The following FAIM2 variants were observed in gnomAD, a reference collection of about 807,000 sequenced individuals.
FAIM2 encodes the protein Fas apoptotic inhibitory molecule 2, also known as protein lifeguard 2.
In FAIM2, 27 loss-of-function variants were observed where a neutral mutation model predicts 47.4. That is an observed-to-expected ratio of 0.57 (90% CI 0.42 to 0.78). The LOEUF (loss-of-function observed/expected upper bound fraction) is 0.78. Ranked by LOEUF, FAIM2 falls within the 30% of genes least tolerant of loss-of-function variation. The probability of loss-of-function intolerance (pLI) is 0.00; values close to 1 mark genes in which losing one functional copy is unlikely to be tolerated. For synonymous variants in FAIM2, 156 were observed against 159.3 expected, an observed-to-expected ratio of 0.98 and a Z score of 0.16; for missense variants, 311 against 389.4, an observed-to-expected ratio of 0.80 and a Z score of 1.69.
Position 49,891,196 on chromosome 12 carries a change from G to A in FAIM2, c.435-82C>T, listed in dbSNP as rs546717240. The A allele has an allele frequency of 9.2e-4, 1,229 of 1,332,452 alleles. 3 individuals are homozygous for A. Among genetic ancestry groups the A allele is most frequent in the Non-Finnish European group, 1.0e-3 (943 of 927,760 alleles). 82.5% of individuals were successfully genotyped at this position (1,332,452 alleles called of 1,614,324 possible). A position where few individuals can be genotyped will look rare whatever the true frequency, so the allele number is the denominator to read the frequency against. On this transcript the variant is annotated intron_variant, in intron 5 of 11. Coordinates refer to ENST00000320634, the MANE Select transcript of FAIM2 (RefSeq NM_012306.4). ...AGATCCCCTGCTTATGCCACTCTCT[G>A]CCACCCCCACCCACAGGGCAGCCAG...
chr12:49,879,050 GTA>G (rs1443305271), intron 11 of FAIM2, among the ~76,000 whole-genome samples: 4 of 135,592 alleles, frequency 3.0e-5, no homozygotes, highest in South Asian at 5.0e-4. Flanking sequence ...ATGAGTTTGT[GTA>G]TGTGCATGTA....
At chr12:49,880,170 G>GTGTCTGTGTGCA (rs1555158433) in intron 11 of FAIM2, among the ~76,000 whole-genome samples, 11 of 144,390 alleles carry the variant, frequency 7.6e-5, no homozygotes, top group African/African-American at 1.0e-4. Flanking sequence ...ATGTGTGTAT[G>GTGTCTGTGTGCA]TGTGTGTATG....
At chr12:49,880,772 GTA>G (rs1303283088) in intron 11 of FAIM2, among the ~76,000 whole-genome samples, 4 of 151,938 alleles carry the variant, frequency 2.6e-5, no homozygotes, top group African/African-American at 9.7e-5. Context: ...GGGTATGTGT[GTA>G]TATGAGTGTG....
intron 2 of FAIM2, 45 bp downstream of exon 2, chr12:49,901,085 C>A (rs758909525): frequency 1.2e-5 from 18 of 1,466,794 alleles, no homozygotes; most frequent in South Asian, 2.7e-5. Flanking sequence ...TCTGGGTCCA[C>A]CCCCACCCCA....
intron 11 of FAIM2, among the ~76,000 whole-genome samples, chr12:49,887,156 T>C (rs1946867417): frequency 2.0e-5 from 3 of 152,098 alleles, no homozygotes. Flanking sequence ...ACAGCTTCCA[T>C]CCTGCTGTTA....
At chr12:49,880,642 A>G (rs1010892302) in intron 11 of FAIM2, among the ~76,000 whole-genome samples, 72 of 148,340 alleles carry the variant, frequency 4.9e-4, no homozygotes, top group African/African-American at 1.5e-3. Flanking sequence ...ATATATATGC[A>G]TGTGTATCTG....
intron 11 of FAIM2, among the ~76,000 whole-genome samples, chr12:49,873,915 C>T (rs140152062): frequency 4.6e-5 from 7 of 152,266 alleles, no homozygotes; most frequent in African/African-American, 1.7e-4. Flanking sequence ...GAGAACTTGC[C>T]CTCATAGAAC....
intron 11 of FAIM2, among the ~76,000 whole-genome samples, chr12:49,875,750 G>A (rs1219464217): frequency 1.3e-5 from 2 of 152,192 alleles, no homozygotes; most frequent in African/African-American, 4.8e-5. Context: ...CAAGGTGGGT[G>A]GATCGCCTGA....
At position 49,870,662 on chromosome 12, in the gene FAIM2, A is replaced by T; in HGVS notation, c.802-9T>A. The T allele has an allele frequency of 1.2e-6, 2 of 1,613,652 alleles. No homozygotes were observed. The highest frequency in any genetic ancestry group is 1.7e-6 in the Non-Finnish European group (2 of 1,179,918). ...GTGTCAAGTGCCAGGAACTGGGAGA[A>T]GTGAGGAGAGAGAGAGAGAGGTCAG... On this transcript the variant is annotated splice_polypyrimidine_tract_variant and intron_variant, in intron 11 of 11. Coordinates refer to ENST00000320634, the MANE Select transcript of FAIM2 (RefSeq NM_012306.4).
At chr12:49,898,654 G>A (rs1269143681) in intron 2 of FAIM2, among the ~76,000 whole-genome samples, 3 of 152,150 alleles carry the variant, frequency 2.0e-5, no homozygotes, top group Non-Finnish European at 2.9e-5. Context: ...AACCTCCCGA[G>A]TAGCTGGGAC....
At chr12:49,896,228 T>C (rs1322582439) in intron 5 of FAIM2, among the ~76,000 whole-genome samples, 1 of 152,150 alleles carries the variant, frequency 6.6e-6, no homozygotes, top group Non-Finnish European at 1.5e-5. Context: ...GCGAGAGCAG[T>C]TCTGCTCTGA....
chr12:49,900,986 C>A (rs905871082), intron 2 of FAIM2, 144 bp downstream of exon 2: 5 of 602,158 alleles, frequency 8.3e-6, no homozygotes, highest in African/African-American at 2.0e-5. Context: ...CAGACTAGTT[C>A]TCCAAATCCT....
intron 10 of FAIM2, 33 bp from the exon 11 acceptor site, chr12:49,887,472 C>T (rs1408149218): frequency 6.3e-7 from 1 of 1,590,990 alleles, no homozygotes; most frequent in Non-Finnish European, 8.6e-7. Context: ...TTAGGGACGA[C>T]AAGAAGGGGC....
In FAIM2 at chr12:49,882,957, CAGAG is replaced by C. The variant is rs560585655; in HGVS notation, c.801+4425_801+4428del. ...TAGTGTGTCAGAATGAGATGCGCTA[CAGAG>C]AGAGGGAAATAGGGTAGGGAGGAAG... On this transcript the variant is annotated intron_variant, in intron 11 of 11. Coordinates refer to ENST00000320634, the MANE Select transcript of FAIM2 (RefSeq NM_012306.4). Among the ~76,000 whole-genome samples, 5 of 152,218 alleles carry C rather than the reference CAGAG, an allele frequency of 3.3e-5. No individual in the cohort carries two copies. The South Asian group carries it at 1.0e-3, about 32-fold the overall frequency.
Position 49,889,110 on chromosome 12 carries a change from T to A in FAIM2, c.744A>T (p.Gln248His), listed in dbSNP as rs750077884. Residue 248 changes from glutamine (Q) to histidine (H), a missense_variant, in exon 10 of 12, where the codon CAA (glutamine) becomes CAT (histidine). By Grantham distance (24) the Gln-to-His change is conservative. Transcript: ENST00000320634. ...GLILAILLPF[Q>H]YVPWLHAVYA... ...GCTGGGGGACCCAGAGACTCACATA[T>A]TGGAAGGGTAGGAGGATGGCCAGGA... is the stretch of plus-strand genomic sequence containing the variant. The A allele has an allele frequency of 6.2e-7, 1 of 1,606,954 alleles. No individual in the cohort carries two copies. The highest frequency in any genetic ancestry group is 8.5e-7 in the Non-Finnish European group (1 of 1,176,036).
chr12:49,900,304 T>A, intron 2 of FAIM2: 1 of 1,007,136 alleles, frequency 9.9e-7, no homozygotes, highest in South Asian at 1.6e-5. Context: ...TCTTCTAGAA[T>A]CCTGCTGGAG....
chr12:49,897,113 G>T (rs905656876), intron 4 of FAIM2, 29 bp from the exon 5 acceptor site: 3 of 1,572,318 alleles, frequency 1.9e-6, no homozygotes, highest in Admixed American at 1.7e-5. Context: ...GGGAGAGAGA[G>T]TCAGAATGTA....
chr12:49,903,676 G>A (rs1468566108), intron 1 of FAIM2, 102 bp downstream of exon 1: 2 of 1,438,602 alleles, frequency 1.4e-6, no homozygotes, highest in African/African-American at 1.4e-5. Context: ...TCAAACTAGG[G>A]CCAGGGGAGG....
At chr12:49,877,501 A>C (rs576617363) in intron 11 of FAIM2, among the ~76,000 whole-genome samples, 1 of 10,344 alleles carries the variant, frequency 9.7e-5, no homozygotes, top group African/African-American at 1.1e-3. Context: ...CTCTGAATGG[A>C]ATGAACATAA....
Sources: allele counts gnomAD v4.1 joint callset (sites outside exome capture counted in the v4.1 genomes callset), GRCh38; gene constraint gnomAD v4.1.1; transcripts MANE v1.5; gene names NCBI Gene and HGNC (gene_info 2026-07-23, HGNC 2026-07-21).